Variants in C12orf42 observed in about 807,000 individuals in gnomAD.
C12orf42 encodes uncharacterized protein C12orf42.
Under a neutral mutation model 21.6 loss-of-function variants are expected in C12orf42, and 25 were observed. The ratio of observed to expected loss-of-function variants is 1.16; its 90% confidence interval spans 0.84 to 1.62. C12orf42 has a LOEUF of 1.62. Ranked by LOEUF, C12orf42 falls within the 40% of genes most tolerant of loss-of-function variation. The probability of loss-of-function intolerance (pLI) is 0.00; values close to 1 mark genes in which losing one functional copy is unlikely to be tolerated. For synonymous variants in C12orf42, 174 were observed against 175.0 expected (o/e 0.99, Z 0.05); for missense variants, 483 against 459.3 (o/e 1.05, Z -0.47).
chr12:103,562,652 T>C, the C12orf42 span, among the ~76,000 whole-genome samples: 1 of 152,166 alleles, frequency 6.6e-6, no homozygotes, highest in Admixed American at 6.5e-5. Flanking sequence ...GCCAAGAAGA[T>C]GAAAATCCAA....
At chr12:103,088,215 A>T in the C12orf42 span, among the ~76,000 whole-genome samples, 1 of 152,204 alleles carries the variant, frequency 6.6e-6, no homozygotes, top group Non-Finnish European at 1.5e-5. Context: ...TTCTGTGAAG[A>T]TGGCTGAATT....
At chr12:103,524,666 G>A in the C12orf42 span, among the ~76,000 whole-genome samples, 1 of 152,206 alleles carries the variant, frequency 6.6e-6, no homozygotes, top group Non-Finnish European at 1.5e-5. Flanking sequence ...CTGTCACAAT[G>A]CCCTGGGTCA....
At chr12:103,554,457 T>C in the C12orf42 span, among the ~76,000 whole-genome samples, 3 of 152,172 alleles carry the variant, frequency 2.0e-5, no homozygotes, top group Non-Finnish European at 4.4e-5. Flanking sequence ...CTCTCCCAGT[T>C]TGAGTTCTCC....
intron 2 of C12orf42, among the ~76,000 whole-genome samples, chr12:103,434,824 A>C (rs1274346802): frequency 6.6e-6 from 1 of 152,032 alleles, no homozygotes; most frequent in Non-Finnish European, 1.5e-5. Flanking sequence ...AGGCTGGGGG[A>C]GGGGCGACTG....
intron 10 of C12orf42, among the ~76,000 whole-genome samples, chr12:103,257,391 T>A (rs1318898209): frequency 6.6e-6 from 1 of 152,064 alleles, no homozygotes; most frequent in Non-Finnish European, 1.5e-5. Context: ...AATAAGGAGC[T>A]CAATATTATT....
the C12orf42 span, among the ~76,000 whole-genome samples, chr12:103,527,399 T>C: frequency 6.6e-6 from 1 of 152,144 alleles, no homozygotes; most frequent in Non-Finnish European, 1.5e-5. Context: ...TGGGGCCTAA[T>C]GGAAGGAGTT....
intron 3 of C12orf42, among the ~76,000 whole-genome samples, chr12:103,369,899 A>G (rs1253236945): frequency 1.3e-5 from 2 of 152,170 alleles, no homozygotes; most frequent in Non-Finnish European, 2.9e-5. Context: ...TAAACTAAAT[A>G]GCTTCTACAC....
At chr12:103,391,304 G>A (rs531669442) in intron 3 of C12orf42, among the ~76,000 whole-genome samples, 1 of 152,214 alleles carries the variant, frequency 6.6e-6, no homozygotes, top group African/African-American at 2.4e-5. Flanking sequence ...AAATTGCTGA[G>A]TCATATGGTA....
intron 2 of C12orf42, 100 bp from the exon 3 acceptor site, chr12:103,401,775 T>C: frequency 9.1e-7 from 1 of 1,095,854 alleles, no homozygotes; most frequent in African/African-American, 1.5e-5. Context: ...AGAAGCTAAT[T>C]CTTTCAAACA....
rs535549966 is a variant in C12orf42, at chr12:103,466,647, A to G, written c.78+11702T>C. 7.9e-5 allele frequency among the ~76,000 whole-genome samples: 12 copies of G among 152,160 alleles called. No homozygotes were observed. In the East Asian group the frequency reaches 2.3e-3, roughly 29 times the overall value. ...AATAAATCATATAATGTTTTAAAAC[A>G]TTACCCCATGTGGTACACTGATTGC... is the stretch of plus-strand genomic sequence containing the variant. On this transcript the variant is annotated intron_variant, in intron 2 of 5. Transcript: ENST00000548883.
chr12:103,146,559 G>GA, the C12orf42 span, among the ~76,000 whole-genome samples: 64 of 28,610 alleles, frequency 2.2e-3, 1 homozygote, highest in African/African-American at 9.2e-3. Flanking sequence ...AATAAAGAAA[G>GA]AAAAGAAAGA....
At chr12:103,335,095 C>G (rs1240519664) in intron 4 of C12orf42, among the ~76,000 whole-genome samples, 4 of 152,068 alleles carry the variant, frequency 2.6e-5, no homozygotes, top group African/African-American at 9.7e-5. Context: ...TGGGAGATGC[C>G]CAGTTTTAAC....
chr12:103,106,991 T>C, the C12orf42 span, among the ~76,000 whole-genome samples: 677 of 152,062 alleles, frequency 4.5e-3, 4 homozygotes, highest in South Asian at 7.5e-3. Context: ...TGCAGCATTA[T>C]TGATGTTAGG....
At chr12:103,310,548 G>A (rs1252240176) in intron 4 of C12orf42, among the ~76,000 whole-genome samples, 4 of 152,144 alleles carry the variant, frequency 2.6e-5, no homozygotes, top group Non-Finnish European at 4.4e-5. Context: ...AATCATCAGA[G>A]GCCACCAATT....
the C12orf42 span, among the ~76,000 whole-genome samples, chr12:103,222,325 G>C: frequency 4.0e-4 from 61 of 152,078 alleles, no homozygotes; most frequent in African/African-American, 1.2e-3. Flanking sequence ...GGGGTTGCAA[G>C]GTGCTCAGTG....
intron 3 of C12orf42, among the ~76,000 whole-genome samples, chr12:103,380,800 C>T (rs1374499760): frequency 6.6e-6 from 1 of 152,176 alleles, no homozygotes; most frequent in Non-Finnish European, 1.5e-5. Flanking sequence ...ACACTTTAGA[C>T]ATTTTTAATT....
intron 10 of C12orf42, among the ~76,000 whole-genome samples, chr12:103,246,751 G>T (rs1303037447): frequency 6.6e-6 from 1 of 151,712 alleles, no homozygotes; most frequent in African/African-American, 2.4e-5. Flanking sequence ...AATCTGGGAA[G>T]GAGAAAGCAG....
the C12orf42 span, among the ~76,000 whole-genome samples, chr12:103,075,299 T>C: frequency 2.6e-5 from 4 of 152,312 alleles, no homozygotes; most frequent in East Asian, 7.7e-4. Context: ...TCCCTTTTTT[T>C]CCTCTTTTAA....
chr12:103,368,211 C>A (rs2044803273), intron 4 of C12orf42: 5 of 482,676 alleles, frequency 1.0e-5, no homozygotes. Context: ...GGGCTTGACA[C>A]AAAATGATGT....
Sources: gnomAD v4.1 joint callset for allele counts (sites outside exome capture counted in the v4.1 genomes callset) on GRCh38, gnomAD v4.1.1 for gene constraint, MANE v1.5 for transcripts, NCBI Gene and HGNC (gene_info 2026-07-23, HGNC 2026-07-21) for gene names.